Variants in BCL9 observed in about 807,000 individuals in gnomAD.
BCL9 encodes BCL9 transcription coactivator.
In BCL9, 25 loss-of-function variants were observed where a neutral mutation model predicts 88.5. The ratio of observed to expected loss-of-function variants is 0.28; its 90% CI spans 0.21 to 0.39. BCL9 has a LOEUF of 0.39. Among genes scored for constraint, BCL9 ranks in the 10% least tolerant of loss-of-function variants. BCL9 has a pLI of 1.00. For synonymous variants in BCL9, 711 were observed against 673.3 expected (o/e 1.06, Z -0.87); for missense variants, 1,817 against 1,877.8 (o/e 0.97, Z 0.60).
intron 1 of BCL9, among the ~76,000 whole-genome samples, chr1:147,600,025 G>A (rs1657282350): frequency 7.0e-6 from 1 of 142,052 alleles, no homozygotes; most frequent in South Asian, 2.4e-4. Flanking sequence ...TGGGGAGGGG[G>A]CACCCTCCGC....
intron 8 of BCL9, 125 bp from the exon 9 acceptor site, chr1:147,622,146 T>G: frequency 7.6e-7 from 1 of 1,307,566 alleles, no homozygotes; most frequent in Non-Finnish European, 1.1e-6. Flanking sequence ...GTGTCTGGGA[T>G]CTAATAACAC....
At chr1:147,569,749 T>C (rs1655790834) in intron 1 of BCL9, among the ~76,000 whole-genome samples, 1 of 152,170 alleles carries the variant, frequency 6.6e-6, no homozygotes, top group Admixed American at 6.5e-5. Flanking sequence ...CAGACTGTCA[T>C]AGTGAAACAG....
intron 1 of BCL9, among the ~76,000 whole-genome samples, chr1:147,552,622 C>G (rs1186993240): frequency 6.6e-6 from 1 of 152,144 alleles, no homozygotes; most frequent in Admixed American, 6.6e-5. Flanking sequence ...ATAAAACAAA[C>G]AAACAAACGA....
Position 147,620,406 on chromosome 1 carries a change from C to T in BCL9, c.2251C>T (p.Arg751Cys), listed in dbSNP as rs1553205031. Residue 751 changes from arginine (R) to cysteine (C), a missense_variant, in exon 8 of 10, where the codon CGC (arginine) becomes TGC (cysteine). Physicochemically the swap from Arg to Cys is radical, Grantham distance 180. Around this residue, in one of 2 missense-constraint regions of BCL9, gnomAD observed 1,228 missense variants for 1,191.6 expected, o/e 1.03. Coordinates refer to ENST00000234739, the MANE Select transcript of BCL9 (RefSeq NM_004326.4). ...GGGCCCTGAGGAGATGCTGAAATTA[C>T]GCCCAGGTGGCTCAGACATGCTGCC... ...GAGPEEMLKL[R>C]PGGSDMLPAQ... 6.8e-6 allele frequency: 11 copies of T among 1,613,728 alleles called. No homozygotes were observed. Among genetic ancestry groups the T allele is most frequent in the African/African-American group, 1.3e-5 (1 of 74,822 alleles).
rs587705174 is a variant in BCL9, at chr1:147,624,280, C to G, written c.3602C>G (p.Pro1201Arg). ...ALCKPGGPGG[P>R]DSFTVLGNSM... ...TGCAAGCCTGGAGGCCCCGGGGGTCCTGACTCCTTCACTGTCCTGGGGAAC... is the reference window on the plus strand; with the variant it reads ...TGCAAGCCTGGAGGCCCCGGGGGTCGTGACTCCTTCACTGTCCTGGGGAAC... The change falls in exon 10 of 10, where the codon CCT (proline) becomes CGT (arginine). Residue 1201 changes from proline to arginine, a missense_variant. Physicochemically the swap from Pro to Arg is moderately radical, Grantham distance 103 (BLOSUM62 -2). Transcript: ENST00000234739. The surrounding 1 kb of genome is among the most constrained non-coding windows in gnomAD (Gnocchi z 4.4). The G allele has an allele frequency of 6.2e-7, 1 of 1,614,112 alleles. No individual in the cohort carries two copies. The highest frequency in any genetic ancestry group is 1.1e-5 in the South Asian group (1 of 91,082).
chr1:147,598,975 CT>C (rs147367912), intron 1 of BCL9, among the ~76,000 whole-genome samples: 185 of 152,308 alleles, frequency 1.2e-3, no homozygotes, highest in African/African-American at 4.2e-3. Context: ...AAAGTGTAAT[CT>C]AATGGGCTAC....
intron 1 of BCL9, among the ~76,000 whole-genome samples, chr1:147,561,942 A>G (rs587676142): frequency 6.6e-6 from 1 of 152,334 alleles, no homozygotes; most frequent in South Asian, 2.1e-4. Flanking sequence ...ATAAATAAAG[A>G]GTCATGTTCT....
chr1:147,614,326 TC>T, intron 5 of BCL9, 100 bp from the exon 6 acceptor site: 2 of 1,149,856 alleles, frequency 1.7e-6, no homozygotes, highest in Admixed American at 4.6e-5. Context: ...AGGTGGTACT[TC>T]CTTGAAATTC....
intron 1 of BCL9, among the ~76,000 whole-genome samples, chr1:147,547,048 A>G (rs1210579431): frequency 6.6e-6 from 1 of 152,192 alleles, no homozygotes; most frequent in African/African-American, 2.4e-5. Context: ...GATGCAAAGA[A>G]ACAGTGTAAG....
At chr1:147,581,277 C>T (rs1206518900) in intron 1 of BCL9, among the ~76,000 whole-genome samples, 1 of 152,180 alleles carries the variant, frequency 6.6e-6, no homozygotes, top group Non-Finnish European at 1.5e-5. Context: ...AAACAGTAAA[C>T]TCCCAAAATG....
At chr1:147,564,497 T>C (rs1553196446) in intron 1 of BCL9, among the ~76,000 whole-genome samples, 1 of 152,120 alleles carries the variant, frequency 6.6e-6, no homozygotes, top group African/African-American at 2.4e-5. Context: ...AATTACAGCT[T>C]TATTATGTTT....
chr1:147,600,319 C>G (rs1657316023), intron 1 of BCL9: 1 of 152,912 alleles, frequency 6.5e-6, no homozygotes. Flanking sequence ...CTCTCCCCTC[C>G]CCCACTCCTG....
At chr1:147,552,715 A>G (rs1654955395) in intron 1 of BCL9, among the ~76,000 whole-genome samples, 1 of 152,238 alleles carries the variant, frequency 6.6e-6, no homozygotes, top group African/African-American at 2.4e-5. Flanking sequence ...TAACCATAAG[A>G]CTATATTGGC....
In BCL9 at chr1:147,541,610, G is replaced by A. The variant is rs1183483213; in HGVS notation, c.-542G>A. On this transcript the variant is annotated 5_prime_UTR_variant, in exon 1 of 10. Transcript: ENST00000234739. The stretch of plus-strand genomic sequence containing the variant: ...GGATTGCGGGAAAAGGGTCTTTTTT[G>A]TCTTCATTCACTTTCCCCCCTCAGT... 6.6e-6 allele frequency: 1 copy of A among 152,084 alleles called. No homozygotes were observed. The highest frequency in any genetic ancestry group is 2.4e-5 in the African/African-American group (1 of 41,388). The allele number at this position is 152,084 out of a possible 1,614,324, so 9.4% of individuals were successfully genotyped here. A position where few individuals can be genotyped will look rare whatever the true frequency, so the allele number is the denominator to read the frequency against.
At chr1:147,566,891 T>G (rs1655627578) in intron 1 of BCL9, among the ~76,000 whole-genome samples, 1 of 152,190 alleles carries the variant, frequency 6.6e-6, no homozygotes, top group Admixed American at 6.5e-5. Flanking sequence ...TGGAAGCTAA[T>G]CACAGAAAGT....
intron 1 of BCL9, among the ~76,000 whole-genome samples, chr1:147,603,804 C>T (rs587636266): frequency 1.2e-4 from 18 of 152,202 alleles, no homozygotes; most frequent in South Asian, 2.1e-4. Context: ...CCACCGTGCC[C>T]GGCCAGATCA....
intron 1 of BCL9, among the ~76,000 whole-genome samples, chr1:147,549,730 T>G (rs1024910667): frequency 1.3e-5 from 2 of 152,234 alleles, no homozygotes; most frequent in African/African-American, 2.4e-5. Flanking sequence ...TGCTCACAGA[T>G]AGAGCCTGCA....
chr1:147,607,456 TG>T (rs1657776048), intron 3 of BCL9, among the ~76,000 whole-genome samples: 1 of 152,302 alleles, frequency 6.6e-6, no homozygotes, highest in South Asian at 2.1e-4. Context: ...TATGGTCTAG[TG>T]GGAGAGATGA....
intron 3 of BCL9, among the ~76,000 whole-genome samples, chr1:147,608,909 C>A (rs1657864963): frequency 6.6e-6 from 1 of 152,180 alleles, no homozygotes; most frequent in South Asian, 2.1e-4. Context: ...CCCACTACCA[C>A]TTACTAGGGT....
Sources: gnomAD v4.1 joint callset for allele counts (sites outside exome capture counted in the v4.1 genomes callset) on GRCh38, gnomAD v4.1.1 for gene constraint, gnomAD v4.1.1 regional missense constraint, Gnocchi (gnomAD v3.1) non-coding constraint, MANE v1.5 for transcripts, NCBI Gene and HGNC (gene_info 2026-07-23, HGNC 2026-07-21) for gene names.